ZNF143: variants seen among roughly 807,000 people sequenced by gnomAD.
The protein encoded by ZNF143 is zinc finger protein 143.
A neutral mutation model predicts 74.1 loss-of-function variants in ZNF143; 49 were observed. The observed-to-expected ratio is 0.66, with a 90% CI of 0.53 to 0.84. The LOEUF is 0.84. Ranked by LOEUF, ZNF143 falls within the 40% of genes least tolerant of loss-of-function variation. The pLI is 0.00. For synonymous variants in ZNF143, 304 were observed against 282.8 expected (o/e 1.07, Z -0.75); for missense variants, 637 against 793.4 (o/e 0.80, Z 2.37).
intron 1 of ZNF143, among the ~76,000 whole-genome samples, chr11:9,467,800 C>T (rs1237436661): frequency 8.8e-5 from 13 of 147,136 alleles, no homozygotes; most frequent in African/African-American, 3.0e-4. Context: ...GCTGAGATGG[C>T]GCCACTGCAC....
chr11:9,471,063 G>A (rs1219138089), intron 1 of ZNF143: 1 of 235,440 alleles, frequency 4.2e-6, no homozygotes, highest in Non-Finnish European at 8.2e-6. Context: ...ATTCGTCAGT[G>A]TACTTCTAAG....
intron 11 of ZNF143, among the ~76,000 whole-genome samples, chr11:9,507,131 T>C (rs571469129): frequency 6.6e-6 from 1 of 152,366 alleles, no homozygotes; most frequent in South Asian, 2.1e-4. Context: ...GTAAGACTTA[T>C]GTTACGGTAC....
chr11:9,494,684 A>G lies in ZNF143; in HGVS notation c.684A>G (p.Lys228=), dbSNP rs745942870. Residue 228 remains lysine (K), a synonymous_variant, in exon 8 of 16, where the codon AAA becomes AAG. Coordinates refer to ENST00000396602, the MANE Select transcript of ZNF143 (RefSeq NM_003442.6). ...GACATGCTACAAGAGTAACTGCTAA[A>G]TCTCAACAGAGTGGAGAGAAGGCAT... ...LQGHATRVTA[K]SQQSGEKAFR... The G allele has an allele frequency of 1.9e-6, 3 of 1,613,768 alleles. No homozygotes were observed. Among genetic ancestry groups the G allele is most frequent in the Non-Finnish European group, 2.5e-6 (3 of 1,179,640 alleles).
At chr11:9,512,982 G>A (rs1284439667) in intron 13 of ZNF143, among the ~76,000 whole-genome samples, 1 of 152,150 alleles carries the variant, frequency 6.6e-6, no homozygotes, top group Non-Finnish European at 1.5e-5. Context: ...GCATATGATG[G>A]CACCATTAAG....
At chr11:9,480,289 G>A (rs1005948668) in intron 7 of ZNF143, among the ~76,000 whole-genome samples, 1 of 152,200 alleles carries the variant, frequency 6.6e-6, no homozygotes, top group Admixed American at 6.5e-5. Flanking sequence ...TTCGTGTGGA[G>A]GGTATGCTTG....
intron 1 of ZNF143, among the ~76,000 whole-genome samples, chr11:9,470,811 A>G (rs1366476747): frequency 6.6e-6 from 1 of 152,106 alleles, no homozygotes; most frequent in Non-Finnish European, 1.5e-5. Flanking sequence ...GTAGGAGGCT[A>G]ATGGAGAAGC....
At chr11:9,484,415 T>C (rs1847374344) in intron 7 of ZNF143, among the ~76,000 whole-genome samples, 1 of 150,806 alleles carries the variant, frequency 6.6e-6, no homozygotes, top group Non-Finnish European at 1.5e-5. Flanking sequence ...ATATTTCACC[T>C]TGTTGGCCAG....
At chr11:9,461,105 T>C in intron 1 of ZNF143, 29 bp downstream of exon 1, 2 of 985,154 alleles carry the variant, frequency 2.0e-6, no homozygotes, top group Non-Finnish European at 2.4e-6. Flanking sequence ...TTTTACCCAG[T>C]GTGCATTATT....
chr11:9,486,439 A>ATATATATAATATATTATATATATAAT (rs1343381933), intron 7 of ZNF143, among the ~76,000 whole-genome samples: 1 of 23,134 alleles, frequency 4.3e-5, no homozygotes, highest in East Asian at 1.7e-3. Context: ...TTATATATAT[A>ATATATATAATATATTATATATATAAT]ATATATTATA....
intron 14 of ZNF143, among the ~76,000 whole-genome samples, chr11:9,520,318 G>A (rs1435624124): frequency 5.6e-5 from 8 of 143,690 alleles, no homozygotes; most frequent in Admixed American, 4.2e-4. Flanking sequence ...CACTGTGCCT[G>A]TCCAATTTTT....
At chr11:9,522,381 G>C (rs1401719898) in intron 14 of ZNF143, among the ~76,000 whole-genome samples, 1 of 150,980 alleles carries the variant, frequency 6.6e-6, no homozygotes, top group Non-Finnish European at 1.5e-5. Context: ...ACAAGCCACT[G>C]CTTCTGGGGA....
Position 9,503,951 on chromosome 11 carries a change from C to CTTT in ZNF143, c.1147+2705_1147+2707dup, listed in dbSNP as rs35371465. On this transcript the variant is annotated intron_variant, in intron 11 of 15. Coordinates refer to ENST00000396602, the MANE Select transcript of ZNF143 (RefSeq NM_003442.6). ...ACAGGCATGAGCCACCACGCCTTGC[C>CTTT]TTTTTTTTTTTTTTTTTTTTTTTTT... is the stretch of plus-strand genomic sequence containing the variant. Among the ~76,000 whole-genome samples the CTTT allele has an allele frequency of 6.1e-3, 325 of 53,090 alleles. 53 individuals are homozygous for CTTT. The highest frequency in any genetic ancestry group is 0.018 in the African/African-American group (299 of 16,634). The allele number at this position is 53,090 out of a possible 152,430, so 34.8% of individuals were successfully genotyped here. A position where few individuals can be genotyped will look rare whatever the true frequency, so the allele number is the denominator to read the frequency against.
intron 5 of ZNF143, 75 bp from the exon 6 acceptor site, chr11:9,478,315 C>A (rs1847098493): frequency 1.3e-6 from 2 of 1,496,344 alleles, no homozygotes; most frequent in Non-Finnish European, 9.2e-7. Context: ...AAGCTCATTT[C>A]TCTCTTCCTT....
At chr11:9,498,831 C>G (rs1318301499) in intron 10 of ZNF143, among the ~76,000 whole-genome samples, 1 of 152,160 alleles carries the variant, frequency 6.6e-6, no homozygotes, top group Non-Finnish European at 1.5e-5. Flanking sequence ...AATAGTTTAG[C>G]TAATTTCCAT....
intron 13 of ZNF143, among the ~76,000 whole-genome samples, chr11:9,515,525 G>T (rs1328290596): frequency 2.6e-5 from 4 of 151,742 alleles, no homozygotes; most frequent in Admixed American, 6.6e-5. Flanking sequence ...GTGGTGGTGG[G>T]CTCCTGTAGT....
intron 12 of ZNF143, among the ~76,000 whole-genome samples, chr11:9,512,173 A>G (rs1430412744): frequency 1.3e-5 from 2 of 152,166 alleles, no homozygotes; most frequent in Non-Finnish European, 2.9e-5. Flanking sequence ...GTATCAAGTA[A>G]TTACTCCAAC....
intron 8 of ZNF143, 63 bp from the exon 9 acceptor site, chr11:9,496,240 T>C: frequency 6.8e-7 from 1 of 1,477,324 alleles, no homozygotes; most frequent in Non-Finnish European, 9.4e-7. Context: ...TAGTTCTGTG[T>C]TGCAACCATC....
chr11:9,480,211 C>G (rs1759551386), intron 7 of ZNF143, among the ~76,000 whole-genome samples: 1 of 152,288 alleles, frequency 6.6e-6, no homozygotes, highest in African/African-American at 2.4e-5. Context: ...CAGGTGCATT[C>G]TTGCATATCT....
rs1037528071 is a variant in ZNF143, at chr11:9,461,188, G to T, written c.-8+112G>T. On this transcript the variant is annotated intron_variant, in intron 1 of 15. Coordinates refer to ENST00000396602, the MANE Select transcript of ZNF143 (RefSeq NM_003442.6). ...CCCGGGCTCCGGCTCCCGCTGCTCA[G>T]CCTCCGCCGCAGGCCTTGCCGATTT... 7 of 656,378 alleles carry T rather than the reference G, an allele frequency of 1.1e-5. No homozygotes were observed. In the African/African-American group the frequency reaches 1.2e-4, roughly 11 times the overall value. 40.7% of individuals were successfully genotyped at this position (656,378 alleles called of 1,614,324 possible).
Sources: allele counts gnomAD v4.1 joint callset (sites outside exome capture counted in the v4.1 genomes callset), GRCh38; gene constraint gnomAD v4.1.1; transcripts MANE v1.5; gene names NCBI Gene and HGNC (gene_info 2026-07-23, HGNC 2026-07-21).